Variants in PCDHA7 observed in about 807,000 individuals in gnomAD.
PCDHA7 encodes protocadherin alpha-7.
A neutral mutation model predicts 57.2 loss-of-function variants in PCDHA7; 37 were observed. The observed-to-expected ratio is 0.65, with a 90% confidence interval of 0.50 to 0.85. The LOEUF is 0.85. PCDHA7 is among the 40% of genes least tolerant of loss of function. The pLI is 0.00. For synonymous variants in PCDHA7, 553 were observed against 558.8 expected (o/e 0.99, Z 0.15); for missense variants, 1,188 against 1,241.8 (o/e 0.96, Z 0.65).
intron 1 of PCDHA7, among the ~76,000 whole-genome samples, chr5:140,844,021 G>A (rs2150368279): frequency 1.3e-5 from 2 of 149,470 alleles, no homozygotes; most frequent in East Asian, 1.9e-4. Flanking sequence ...GACGTTCAGG[G>A]CATTTTGATC....
At chr5:140,960,764 A>C (rs1383623742) in intron 1 of PCDHA7, among the ~76,000 whole-genome samples, 7 of 152,164 alleles carry the variant, frequency 4.6e-5, no homozygotes, top group African/African-American at 1.7e-4. Flanking sequence ...CAAGAGTTAC[A>C]GAGGAGAAAT....
At chr5:140,955,065 T>C (rs1258214145) in intron 1 of PCDHA7, among the ~76,000 whole-genome samples, 8 of 152,214 alleles carry the variant, frequency 5.3e-5, no homozygotes, top group Admixed American at 3.3e-4. Context: ...GTCAGGTTTG[T>C]TGAAGATCAG....
At chr5:140,968,591 G>A (rs1289458266) in intron 1 of PCDHA7, 3 of 1,614,098 alleles carry the variant, frequency 1.9e-6, no homozygotes, top group Non-Finnish European at 2.5e-6. Flanking sequence ...CAAAGTCATA[G>A]CTATGGACTC....
intron 1 of PCDHA7, chr5:140,856,358 C>T: frequency 6.3e-7 from 1 of 1,598,606 alleles, no homozygotes; most frequent in African/African-American, 1.3e-5. Context: ...GTGCAGCATC[C>T]ACCTGGAGGT....
At chr5:140,985,684 C>T (rs2097164164) in intron 3 of PCDHA7, among the ~76,000 whole-genome samples, 1 of 151,578 alleles carries the variant, frequency 6.6e-6, no homozygotes, top group Non-Finnish European at 1.5e-5. Flanking sequence ...CTGCCTTACG[C>T]TAATCCTCGT....
intron 3 of PCDHA7, among the ~76,000 whole-genome samples, chr5:140,985,803 G>T (rs536777034): frequency 2.9e-5 from 4 of 139,766 alleles, no homozygotes; most frequent in Non-Finnish European, 6.0e-5. Context: ...GCAGTGGCAC[G>T]ATCTCAGCTC....
intron 1 of PCDHA7, chr5:140,855,929 A>T (rs914508327): frequency 1.6e-6 from 2 of 1,278,216 alleles, no homozygotes; most frequent in Non-Finnish European, 2.2e-6. Context: ...AAGTAGCGTC[A>T]TTCTGAGATC....
chr5:140,917,485 C>T (rs191372458), intron 1 of PCDHA7, among the ~76,000 whole-genome samples: 1 of 152,326 alleles, frequency 6.6e-6, no homozygotes, highest in Admixed American at 6.5e-5. Flanking sequence ...TTGCCAGGGC[C>T]TATGCCCAGA....
chr5:140,836,002 C>T lies in PCDHA7; in HGVS notation c.1619C>T (p.Ala540Val). 2.5e-6 allele frequency: 4 copies of T among 1,613,242 alleles called. No individual in the cohort carries two copies. The highest frequency in any genetic ancestry group is 2.5e-6 in the Non-Finnish European group (3 of 1,179,702). The part of the protein sequence containing the change: ...LLQFQVSARD[A>V]GVPPLGSNVT... ...CAGTTCCAGGTGAGCGCGCGCGATG[C>T]GGGCGTGCCGCCTCTGGGCAGCAAC... Residue 540 changes from alanine to valine, a missense_variant, in exon 1 of 4, where the codon GCG (alanine) becomes GTG (valine). This residue lies in a region of PCDHA7 where 892 missense variants were observed against 788.5 expected (regional missense o/e 1.13). Transcript: ENST00000525929.
At chr5:140,871,049 T>A in intron 1 of PCDHA7, 4 of 1,613,302 alleles carry the variant, frequency 2.5e-6, no homozygotes, top group Non-Finnish European at 3.4e-6. Flanking sequence ...CTTCTAGTAC[T>A]GGTGAAGGAT....
At chr5:140,849,522 G>A in intron 1 of PCDHA7, 2 of 1,597,478 alleles carry the variant, frequency 1.3e-6, no homozygotes, top group Middle Eastern at 1.7e-4. Context: ...AGTTGTGGAT[G>A]TAAATGACAA....
chr5:140,895,166 C>T (rs1319581978), intron 1 of PCDHA7, among the ~76,000 whole-genome samples: 1 of 152,138 alleles, frequency 6.6e-6, no homozygotes, highest in Non-Finnish European at 1.5e-5. Context: ...ACAATCCAAT[C>T]TATTTGTAGT....
intron 1 of PCDHA7, chr5:140,929,256 A>T (rs572411725): frequency 1.9e-6 from 3 of 1,613,220 alleles, no homozygotes; most frequent in Non-Finnish European, 2.5e-6. Context: ...CTGGGGTAGG[A>T]CTGAATTTGC....
chr5:140,852,149 G>T (rs940913819), intron 1 of PCDHA7: 1 of 867,026 alleles, frequency 1.2e-6, no homozygotes. Flanking sequence ...AGATCAGAAT[G>T]GCCTTGAGAA....
At chr5:140,857,189 A>C (rs782018937) in intron 1 of PCDHA7, 1 of 1,598,598 alleles carries the variant, frequency 6.3e-7, no homozygotes, top group Non-Finnish European at 8.6e-7. Context: ...TTCAGGAGCC[A>C]ACGGACAGGT....
At chr5:140,877,471 G>T (rs2057146762) in intron 1 of PCDHA7, 1 of 1,613,828 alleles carries the variant, frequency 6.2e-7, no homozygotes, top group South Asian at 1.1e-5. Flanking sequence ...CACGGTGCTG[G>T]TGTCGCTGGT....
intron 1 of PCDHA7, among the ~76,000 whole-genome samples, chr5:140,922,214 C>T (rs1554200731): frequency 1.3e-5 from 2 of 152,004 alleles, no homozygotes; most frequent in African/African-American, 4.8e-5. Context: ...CTTTGTAAAA[C>T]ATTTGAACCT....
intron 1 of PCDHA7, among the ~76,000 whole-genome samples, chr5:140,878,691 A>G (rs2057689901): frequency 6.6e-6 from 1 of 152,168 alleles, no homozygotes; most frequent in Non-Finnish European, 1.5e-5. Context: ...AGTCTTACAT[A>G]CCCCAGCCTG....
chr5:140,851,049 T>G (rs114642351), intron 1 of PCDHA7: 1 of 1,386,514 alleles, frequency 7.2e-7, no homozygotes, highest in African/African-American at 1.5e-5. Flanking sequence ...GAGCCGACTT[T>G]GTCTTGACTT....
Sources: gnomAD v4.1 joint callset for allele counts (sites outside exome capture counted in the v4.1 genomes callset) on GRCh38, gnomAD v4.1.1 for gene constraint, gnomAD v4.1.1 regional missense constraint, MANE v1.5 for transcripts, NCBI Gene and HGNC (gene_info 2026-07-23, HGNC 2026-07-21) for gene names.